CCDC80: variants seen among roughly 807,000 people sequenced by gnomAD.
CCDC80 encodes the protein coiled-coil domain containing 80.
Under a neutral mutation model 78.7 loss-of-function variants are expected in CCDC80, and 49 were observed. That is an observed-to-expected ratio of 0.62 (90% confidence interval 0.50 to 0.79). The LOEUF is 0.79. Ranked by LOEUF, CCDC80 falls within the 30% of genes least tolerant of loss-of-function variation. CCDC80 has a pLI of 0.00. For missense variants in CCDC80, 1,205 were observed against 1,198.6 expected (o/e 1.01, Z -0.08); for synonymous variants, 488 against 447.0 (o/e 1.09, Z -1.16).
In CCDC80 at chr3:112,638,089, T is replaced by C. The variant is rs1166935778; in HGVS notation, c.1817A>G (p.Gln606Arg). ...YQKPTNKHFT[Q>R]SPKKSVADLL... ...GTCGGCCACTGACTTCTTGGGACTC[T>C]GCGTGAAGTGTTTGTTGGTGGGTTT... is the stretch of plus-strand genomic sequence containing the variant. The change falls in exon 2 of 8, where the codon CAG becomes CGG. Residue 606 changes from glutamine (Q) to arginine (R), a missense_variant. Transcript: ENST00000206423. The C allele has an allele frequency of 1.2e-6, 2 of 1,614,056 alleles. No individual in the cohort carries two copies. Among genetic ancestry groups the C allele is most frequent in the African/African-American group, 1.3e-5 (1 of 75,030 alleles).
Position 112,633,747 on chromosome 3 carries a change from T to A in CCDC80, c.1879-3478A>T, listed in dbSNP as rs576889966. ...GAGAAGACTGACCATCTGAACCCAT[T>A]TCAGGGACTCTTTCCCTATGTTTTG... On this transcript the variant is annotated intron_variant, in intron 2 of 7. Coordinates refer to ENST00000206423, the MANE Select transcript of CCDC80 (RefSeq NM_199511.3). Among the ~76,000 whole-genome samples, 11 of 152,128 alleles carry A rather than the reference T, an allele frequency of 7.2e-5. No homozygotes were observed. In the South Asian group the frequency reaches 2.1e-3, roughly 29 times the overall value.
At chr3:112,606,600 A>G (rs1935503934) in intron 7 of CCDC80, among the ~76,000 whole-genome samples, 1 of 145,228 alleles carries the variant, frequency 6.9e-6, no homozygotes, top group African/African-American at 2.5e-5. Flanking sequence ...TAATTTTTGT[A>G]TTTTTAGTAG....
At position 112,639,581 on chromosome 3, in the gene CCDC80, C is replaced by T. The variant is rs1177570059; in HGVS notation, c.325G>A (p.Ala109Thr). ...GAAVRPEQRP[A>T]ARGSPREMIR... ...ATCTCACGCGGAGAGCCCCTGGCTG[C>T]TGGTCTTTGCTCAGGTCTCACGGCG... The change falls in exon 2 of 8, where the codon GCA becomes ACA. Residue 109 changes from alanine to threonine, a missense_variant. Coordinates refer to ENST00000206423, the MANE Select transcript of CCDC80 (RefSeq NM_199511.3). 2.5e-6 allele frequency: 4 copies of T among 1,614,052 alleles called. No individual in the cohort carries two copies. Among genetic ancestry groups the T allele is most frequent in the Non-Finnish European group, 3.4e-6 (4 of 1,180,050 alleles).
rs749193628 is a variant in CCDC80 at position 112,616,817 on chromosome 3, A to C, written c.2214T>G (p.Asp738Glu). 1 of 1,614,032 alleles carries C rather than the reference A, an allele frequency of 6.2e-7. No individual in the cohort carries two copies. The highest frequency in any genetic ancestry group is 1.3e-5 in the African/African-American group (1 of 74,938). ...EVPITMKSVFDLIDTFQSRIK... is the reference protein window; with the variant it reads ...EVPITMKSVFELIDTFQSRIK... ...TTCGGGACTGGAAAGTATCGATCAGATCAAACACAGACTTCATTGTTATTG... is the reference window on the plus strand; with the variant it reads ...TTCGGGACTGGAAAGTATCGATCAGCTCAAACACAGACTTCATTGTTATTG... The change falls in exon 5 of 8, where the codon GAT becomes GAG. Residue 738 changes from aspartate to glutamate, a missense_variant. Asp to Glu is a conservative substitution (Grantham distance 45, BLOSUM62 2). Coordinates refer to ENST00000206423, the MANE Select transcript of CCDC80 (RefSeq NM_199511.3).
At chr3:112,625,221 T>C (rs1188077889) in intron 3 of CCDC80, among the ~76,000 whole-genome samples, 1 of 152,228 alleles carries the variant, frequency 6.6e-6, no homozygotes, top group Non-Finnish European at 1.5e-5. Flanking sequence ...TTTCACATAT[T>C]ACACTGGTCA....
chr3:112,600,377 T>C lies in CCDC80; in HGVS notation c.*5040A>G, dbSNP rs1340885686. ...ACTGGAGAAATGCTTGAAAAAGTAA[T>C]CTCAGGTTGTAAAAAAGAACTATCT... On this transcript the variant is annotated 3_prime_UTR_variant, in exon 8 of 8. Coordinates refer to ENST00000206423, the MANE Select transcript of CCDC80 (RefSeq NM_199511.3). The C allele has an allele frequency of 2.6e-5, 4 of 152,224 alleles. No homozygotes were observed. Among genetic ancestry groups the C allele is most frequent in the Non-Finnish European group, 4.4e-5 (3 of 68,044 alleles). The allele number at this position is 152,224 out of a possible 1,614,324, so 9.4% of individuals were successfully genotyped here. A position where few individuals can be genotyped will look rare whatever the true frequency, so the allele number is the denominator to read the frequency against.
At chr3:112,611,797 T>C (rs1935634686) in intron 5 of CCDC80, among the ~76,000 whole-genome samples, 1 of 152,180 alleles carries the variant, frequency 6.6e-6, no homozygotes, top group Non-Finnish European at 1.5e-5. Flanking sequence ...GACCGCAGGG[T>C]GTTGGTGCAC....
intron 5 of CCDC80, among the ~76,000 whole-genome samples, chr3:112,616,463 CAG>C (rs1215617536): frequency 2.1e-5 from 2 of 93,098 alleles, no homozygotes; most frequent in African/African-American, 9.8e-5. Flanking sequence ...AAAAAAAAAA[CAG>C]AGAAAAGACC....
rs1935326432 is a variant in CCDC80, at chr3:112,598,700, A to G, written c.*6717T>C. 1 of 152,202 alleles carries G rather than the reference A, an allele frequency of 6.6e-6. No homozygotes were observed. Among genetic ancestry groups the G allele is most frequent in the African/African-American group, 2.4e-5 (1 of 41,432 alleles). The allele number at this position is 152,202 out of a possible 1,614,324, so 9.4% of individuals were successfully genotyped here. On this transcript the variant is annotated 3_prime_UTR_variant, in exon 8 of 8. Coordinates refer to ENST00000206423, the MANE Select transcript of CCDC80 (RefSeq NM_199511.3). ...CTTTAGGATATTAGAGAGATTACGC[A>G]TTTGTGGTCTCAAGTTAGGAAACTG...
At position 112,597,485 on chromosome 3, in the gene CCDC80, T is replaced by G. The variant is rs1250222819; in HGVS notation, c.*7932A>C. On this transcript the variant is annotated 3_prime_UTR_variant, in exon 8 of 8. Coordinates refer to ENST00000206423, the MANE Select transcript of CCDC80 (RefSeq NM_199511.3). ...CTAGGTATATTCTCTAGTTTCAATCTTGGTGAAATTTTTTTCTATGAATTC... is the reference window on the plus strand; with the variant it reads ...CTAGGTATATTCTCTAGTTTCAATCGTGGTGAAATTTTTTTCTATGAATTC... 1 of 152,194 alleles carries G rather than the reference T, an allele frequency of 6.6e-6. No homozygotes were observed. 9.4% of individuals were successfully genotyped at this position (152,194 alleles called of 1,614,324 possible).
intron 2 of CCDC80, among the ~76,000 whole-genome samples, chr3:112,631,369 T>G (rs4682418): frequency 0.43 from 65,978 of 152,026 alleles, 15,865 homozygotes; most frequent in Non-Finnish European, 0.54. Flanking sequence ...ACCAGGTCTT[T>G]GTTGAGATCC....
chr3:112,612,924 T>C (rs1382009669), intron 5 of CCDC80, among the ~76,000 whole-genome samples: 1 of 150,770 alleles, frequency 6.6e-6, no homozygotes, highest in Non-Finnish European at 1.5e-5. Context: ...GAGTATTTAC[T>C]AAATCTCTTT....
rs748668878 is a variant in CCDC80 at position 112,638,811 on chromosome 3, C to T, written c.1095G>A (p.Thr365=). 9 of 1,613,650 alleles carry T rather than the reference C, an allele frequency of 5.6e-6. No individual in the cohort carries two copies. The highest frequency in any genetic ancestry group is 7.6e-6 in the Non-Finnish European group (9 of 1,179,952). The part of the protein sequence containing the change: ...PAPATTVTRS[T]SRAVTVAARP... ...TTGCAGCAACTGTTACCGCCCGGGA[C>T]GTGGACCGAGTCACTGTTGTGGCTG... The change falls in exon 2 of 8, where the codon ACG becomes ACA. Residue 365 remains threonine (T), a synonymous_variant. Transcript: ENST00000206423.
rs1935354257 is a variant in CCDC80, at chr3:112,600,455, TA to T, written c.*4961del. ...ATTATTCTGAGAGTAAATTTTCTAT[TA>T]TTCCTATCTAATTCATTTTCTTGGG... On this transcript the variant is annotated 3_prime_UTR_variant, in exon 8 of 8. Transcript: ENST00000206423. 1 of 152,150 alleles carries T rather than the reference TA, an allele frequency of 6.6e-6. No individual in the cohort carries two copies. The highest frequency in any genetic ancestry group is 2.4e-5 in the African/African-American group (1 of 41,418). The allele number at this position is 152,150 out of a possible 1,614,324, so 9.4% of individuals were successfully genotyped here.
rs1265508936 is a variant in CCDC80 at position 112,602,116 on chromosome 3, CTG to C, written c.*3299_*3300del. On this transcript the variant is annotated 3_prime_UTR_variant, in exon 8 of 8. Coordinates refer to ENST00000206423, the MANE Select transcript of CCDC80 (RefSeq NM_199511.3). Reference sequence around the variant, plus strand: ...TTGGTAATTCTTGCCATATTTCACACTGTTTCATTATTATCTCTGTTATTAAA... The same window carrying C: ...TTGGTAATTCTTGCCATATTTCACACTTTCATTATTATCTCTGTTATTAAA... 2.0e-5 allele frequency: 3 copies of C among 152,302 alleles called. No individual in the cohort carries two copies. The highest frequency in any genetic ancestry group is 4.1e-4 in the South Asian group (2 of 4,832). The allele number at this position is 152,302 out of a possible 1,614,324, so 9.4% of individuals were successfully genotyped here.
intron 6 of CCDC80, among the ~76,000 whole-genome samples, chr3:112,607,867 G>A (rs866393132): frequency 6.6e-6 from 1 of 152,230 alleles, no homozygotes; most frequent in African/African-American, 2.4e-5. Flanking sequence ...ATTTATAACA[G>A]CTTTTAGGAT....
At chr3:112,627,237 C>G (rs1484454620) in intron 3 of CCDC80, among the ~76,000 whole-genome samples, 1 of 152,176 alleles carries the variant, frequency 6.6e-6, no homozygotes, top group Non-Finnish European at 1.5e-5. Context: ...ACCCAACATT[C>G]CTATCCTAGA....
chr3:112,603,555 ATATATG>A lies in CCDC80; in HGVS notation c.*1856_*1861del, dbSNP rs1429314340. On this transcript the variant is annotated 3_prime_UTR_variant, in exon 8 of 8. Coordinates refer to ENST00000206423, the MANE Select transcript of CCDC80 (RefSeq NM_199511.3). ...ATATATAATATATATTATATATTTT[ATATATG>A]TATATAAAATATATATATAAATGAT... 1 of 146,990 alleles carries A rather than the reference ATATATG, an allele frequency of 6.8e-6. No homozygotes were observed. Among genetic ancestry groups the A allele is most frequent in the Non-Finnish European group, 1.5e-5 (1 of 67,084 alleles). 9.1% of individuals were successfully genotyped at this position (146,990 alleles called of 1,614,324 possible).
intron 2 of CCDC80, among the ~76,000 whole-genome samples, chr3:112,633,854 C>T (rs1936152146): frequency 1.3e-5 from 2 of 152,184 alleles, no homozygotes; most frequent in Admixed American, 1.3e-4. Context: ...TCCCCTCTTC[C>T]TAAAAAGAGC....
Sources: gnomAD v4.1 joint callset for allele counts (sites outside exome capture counted in the v4.1 genomes callset) on GRCh38, gnomAD v4.1.1 for gene constraint, MANE v1.5 for transcripts, NCBI Gene and HGNC (gene_info 2026-07-23, HGNC 2026-07-21) for gene names.